PPFIBP2: variants seen among roughly 807,000 people sequenced by gnomAD.
PPFIBP2 encodes liprin-beta-2.
PPFIBP2 carries 118 observed loss-of-function variants against 118.3 expected under a neutral mutation model. The ratio of observed to expected loss-of-function variants is 1.00; its 90% CI spans 0.86 to 1.16. The LOEUF (loss-of-function observed/expected upper bound fraction) is 1.16, where lower values mean the gene tolerates loss of function less well. Ranked by LOEUF, PPFIBP2 falls within the 50% of genes most tolerant of loss-of-function variation. PPFIBP2 has a pLI of 0.00. For synonymous variants in PPFIBP2, 414 were observed against 397.4 expected (o/e 1.04, Z -0.50); for missense variants, 1,195 against 1,073.1 (o/e 1.11, Z -1.59).
In PPFIBP2 at chr11:7,629,545, G is replaced by A; in HGVS notation, c.964+11G>A. 1.2e-6 allele frequency: 2 copies of A among 1,613,246 alleles called. No individual in the cohort carries two copies. The highest frequency in any genetic ancestry group is 1.7e-6 in the Non-Finnish European group (2 of 1,179,208). On this transcript the variant is annotated intron_variant, in intron 10 of 23. Transcript: ENST00000299492. ...TGATGGTCACTCAAGGTAAGAGCAA[G>A]GGCGATCCTACCGTTGTCTCTGAAA... is the stretch of plus-strand genomic sequence containing the variant.
intron 3 of PPFIBP2, among the ~76,000 whole-genome samples, chr11:7,583,544 T>A (rs917480892): frequency 4.6e-5 from 7 of 152,164 alleles, no homozygotes; most frequent in Admixed American, 2.0e-4. Flanking sequence ...TTTCACATCC[T>A]CTCATTACAG....
intron 5 of PPFIBP2, chr11:7,606,154 C>G (rs1258701402): frequency 4.8e-6 from 5 of 1,049,702 alleles, no homozygotes; most frequent in Non-Finnish European, 6.5e-6. Context: ...GGGCAAAATA[C>G]TGGCTTGGAA....
chr11:7,623,854 T>C (rs1311613559), intron 7 of PPFIBP2, among the ~76,000 whole-genome samples: 6 of 152,216 alleles, frequency 3.9e-5, no homozygotes, highest in Admixed American at 3.9e-4. Flanking sequence ...CCAAAGCTAA[T>C]ATCTTCAGAA....
intron 1 of PPFIBP2, among the ~76,000 whole-genome samples, chr11:7,524,632 A>G (rs1449419642): frequency 6.6e-6 from 1 of 152,214 alleles, no homozygotes; most frequent in Non-Finnish European, 1.5e-5. Flanking sequence ...AAGTAGGCAC[A>G]TAAATGCTAA....
chr11:7,597,428 C>T (rs1860547244), intron 4 of PPFIBP2, 132 bp from the exon 5 acceptor site: 4 of 1,538,700 alleles, frequency 2.6e-6, no homozygotes, highest in Non-Finnish European at 3.5e-6. Flanking sequence ...ACCTGCCACT[C>T]AGCAAAAATC....
chr11:7,588,725 C>CT (rs1261046283), intron 3 of PPFIBP2, among the ~76,000 whole-genome samples: 1 of 152,212 alleles, frequency 6.6e-6, no homozygotes, highest in African/African-American at 2.4e-5. Flanking sequence ...GTGTCCAAGA[C>CT]TTTTTTCAGC....
At chr11:7,610,494 G>C in intron 6 of PPFIBP2, 72 bp downstream of exon 6, 2 of 1,576,572 alleles carry the variant, frequency 1.3e-6, no homozygotes, top group South Asian at 2.2e-5. Context: ...AGGCCATCTG[G>C]TCAACTCCCA....
intron 1 of PPFIBP2, among the ~76,000 whole-genome samples, chr11:7,519,492 C>G (rs899689645): frequency 6.6e-6 from 1 of 152,080 alleles, no homozygotes; most frequent in Non-Finnish European, 1.5e-5. Flanking sequence ...CCATTTGGAC[C>G]GTTATCTAAT....
At chr11:7,624,485 TG>T (rs1177627159) in intron 7 of PPFIBP2, among the ~76,000 whole-genome samples, 1 of 152,168 alleles carries the variant, frequency 6.6e-6, no homozygotes, top group East Asian at 1.9e-4. Flanking sequence ...TTTAATTACT[TG>T]GGGTTGGTCA....
At chr11:7,524,940 T>C (rs1026399528) in intron 1 of PPFIBP2, among the ~76,000 whole-genome samples, 1 of 152,194 alleles carries the variant, frequency 6.6e-6, no homozygotes, top group Non-Finnish European at 1.5e-5. Context: ...AGCCAAGACA[T>C]CTGGTTCTTG....
downstream of PPFIBP2, among the ~76,000 whole-genome samples, chr11:7,659,272 T>A (rs1306086302): frequency 2.7e-5 from 4 of 150,190 alleles, no homozygotes; most frequent in Admixed American, 2.6e-4. Context: ...GTTTTTATGG[T>A]TTTAGGTCTA....
intron 1 of PPFIBP2, among the ~76,000 whole-genome samples, chr11:7,542,742 C>A (rs949323784): frequency 2.0e-5 from 3 of 152,226 alleles, no homozygotes; most frequent in Admixed American, 2.0e-4. Flanking sequence ...AACTGGCTGA[C>A]CTTGCAGGCT....
chr11:7,548,630 T>C (rs1233995537), intron 1 of PPFIBP2: 1 of 151,848 alleles, frequency 6.6e-6, no homozygotes, highest in East Asian at 1.9e-4. Context: ...TTCCTTGAGG[T>C]AGAGTTGTCC....
intron 1 of PPFIBP2, among the ~76,000 whole-genome samples, chr11:7,520,118 C>T (rs1275480502): frequency 1.3e-5 from 2 of 152,160 alleles, no homozygotes; most frequent in Admixed American, 6.5e-5. Flanking sequence ...ACAGACAACA[C>T]GAGGCGGTAT....
intron 6 of PPFIBP2, among the ~76,000 whole-genome samples, chr11:7,618,921 G>C (rs184344325): frequency 7.5e-5 from 11 of 146,192 alleles, no homozygotes; most frequent in African/African-American, 2.8e-4. Context: ...TTTTTAACGG[G>C]CATCAGCATA....
At chr11:7,592,192 C>T (rs1419767857) in intron 3 of PPFIBP2, among the ~76,000 whole-genome samples, 3 of 152,142 alleles carry the variant, frequency 2.0e-5, no homozygotes, top group African/African-American at 7.2e-5. Context: ...TATTGCAGAC[C>T]AGTCTGATTT....
At chr11:7,577,404 G>A (rs1479860673) in intron 3 of PPFIBP2, 14 of 371,968 alleles carry the variant, frequency 3.8e-5, no homozygotes, top group Admixed American at 2.9e-4. Context: ...GCTCTGTGTC[G>A]CTGTGTGTCT....
chr11:7,574,502 C>T (rs1434493698), intron 3 of PPFIBP2, among the ~76,000 whole-genome samples: 2 of 152,226 alleles, frequency 1.3e-5, no homozygotes, highest in African/African-American at 4.8e-5. Flanking sequence ...AATCTGACAA[C>T]TCTTTTTCAG....
downstream of PPFIBP2, chr11:7,653,792 A>G (rs1590834189): frequency 8.9e-7 from 1 of 1,126,852 alleles, no homozygotes; most frequent in Non-Finnish European, 1.1e-6. Flanking sequence ...TTTGTTGGGG[A>G]AAAAGAGCTG....
Sources: gnomAD v4.1 joint callset for allele counts (sites outside exome capture counted in the v4.1 genomes callset) on GRCh38, gnomAD v4.1.1 for gene constraint, MANE v1.5 for transcripts, NCBI Gene and HGNC (gene_info 2026-07-23, HGNC 2026-07-21) for gene names.